Variants in COL11A1 observed in about 807,000 individuals in gnomAD.
COL11A1 encodes the protein collagen alpha-1(XI) chain.
Under a neutral mutation model 265.2 loss-of-function variants are expected in COL11A1, and 74 were observed. The observed-to-expected ratio is 0.28, with a 90% CI of 0.23 to 0.34. COL11A1 has a LOEUF of 0.34. Ranked by LOEUF, COL11A1 falls within the 10% of genes least tolerant of loss-of-function variation. The pLI is 1.00. For synonymous variants in COL11A1, 816 were observed against 727.6 expected (o/e 1.12, Z -1.96); for missense variants, 2,165 against 2,263.6 (o/e 0.96, Z 0.88).
rs572637910 is a variant in COL11A1 at position 102,979,443 on chromosome 1, A to G, written c.2557-8T>C. 98 of 1,577,524 alleles carry G rather than the reference A, an allele frequency of 6.2e-5. No individual in the cohort carries two copies. In the South Asian group the frequency reaches 1.0e-3, roughly 17 times the overall value. ...AGGGAATCCAGTGGAACCCTACAAT[A>G]ATAAAAGTAAATAATGAATAAACAT... On this transcript the variant is annotated splice_region_variant and splice_polypyrimidine_tract_variant and intron_variant, in intron 31 of 66. Transcript: ENST00000370096.
chr1:102,884,853 G>A (rs1241185), intron 63 of COL11A1, among the ~76,000 whole-genome samples: 104,007 of 152,086 alleles, frequency 0.68, 37,510 homozygotes, highest in Admixed American at 0.81. Flanking sequence ...TTTCTGTTCT[G>A]AAACTTTTTA....
In COL11A1 at chr1:103,023,029, A is replaced by T. The variant is rs1378934875; in HGVS notation, c.991-33T>A. 18 of 1,601,316 alleles carry T rather than the reference A, an allele frequency of 1.1e-5. No homozygotes were observed. Among genetic ancestry groups the T allele is most frequent in the Non-Finnish European group, 1.5e-5 (17 of 1,172,290 alleles). On this transcript the variant is annotated intron_variant, in intron 7 of 66. Transcript: ENST00000370096. ...TTTAAATTGCAAGGAATTGAGGAAC[A>T]TGAAGTTTATTGTTAGTAAAGCAAG...
intron 1 of COL11A1, among the ~76,000 whole-genome samples, chr1:103,093,236 C>T (rs1673467641): frequency 6.6e-6 from 1 of 151,882 alleles, no homozygotes; most frequent in Non-Finnish European, 1.5e-5. Flanking sequence ...GAATCTAAAG[C>T]TGAAGAATTT....
At chr1:102,909,426 G>A (rs1654383707) in intron 54 of COL11A1, among the ~76,000 whole-genome samples, 1 of 152,150 alleles carries the variant, frequency 6.6e-6, no homozygotes, top group South Asian at 2.1e-4. Flanking sequence ...CCAGCCTCAG[G>A]TATTCTTTTA....
At chr1:102,878,457 ATGT>A (rs1649785265) in intron 66 of COL11A1, among the ~76,000 whole-genome samples, 1 of 92,086 alleles carries the variant, frequency 1.1e-5, no homozygotes, top group Non-Finnish European at 2.3e-5. Context: ...ATGAAAATTG[ATGT>A]TGGTATTGAA....
At chr1:103,016,742 A>G (rs1666599079) in intron 11 of COL11A1, among the ~76,000 whole-genome samples, 1 of 152,006 alleles carries the variant, frequency 6.6e-6, no homozygotes, top group African/African-American at 2.4e-5. Context: ...TATTTAGAAT[A>G]TTATTTCAAT....
At chr1:103,030,809 A>C (rs1667922801) in intron 5 of COL11A1, 1 of 355,760 alleles carries the variant, frequency 2.8e-6, no homozygotes, top group Non-Finnish European at 5.4e-6. Context: ...TTTAAATGCT[A>C]ATGGTCGAAA....
intron 4 of COL11A1, among the ~76,000 whole-genome samples, chr1:103,043,698 A>G (rs1669019037): frequency 6.6e-6 from 1 of 152,116 alleles, no homozygotes. Context: ...CAAATATAAG[A>G]TATTTTATTC....
rs577735370 is a variant in COL11A1, at chr1:102,876,788, C to A, written c.*1231G>T. On this transcript the variant is annotated 3_prime_UTR_variant, in exon 67 of 67. Coordinates refer to ENST00000370096, the MANE Select transcript of COL11A1 (RefSeq NM_001854.4). ...ATTTCAAGCTACCTTAAAGTAAATA[C>A]CTTAGTGGAAAAAAAAGTTTAGATT... The A allele has an allele frequency of 2.0e-5, 3 of 152,082 alleles. No homozygotes were observed. Among genetic ancestry groups the A allele is most frequent in the East Asian group, 1.9e-4 (1 of 5,178 alleles). The allele number at this position is 152,082 out of a possible 1,614,324, so 9.4% of individuals were successfully genotyped here. A position where few individuals can be genotyped will look rare whatever the true frequency, so the allele number is the denominator to read the frequency against.
chr1:102,990,634 AT>A (rs1186128151), intron 28 of COL11A1, among the ~76,000 whole-genome samples: 11 of 152,172 alleles, frequency 7.2e-5, no homozygotes, highest in African/African-American at 1.9e-4. Flanking sequence ...AGAAAAAAAA[AT>A]TAAATTACTA....
In COL11A1 at chr1:102,881,719, C is replaced by T; in HGVS notation, c.5018G>A (p.Ser1673Asn). 6.2e-7 allele frequency: 1 copy of T among 1,612,558 alleles called. No individual in the cohort carries two copies. Among genetic ancestry groups the T allele is most frequent in the Non-Finnish European group, 8.5e-7 (1 of 1,179,088 alleles). ...WPKEKPGSWF[S>N]EFKRGKLLSY... is the part of the protein sequence containing the mutation. ...TACCAGTTTTCCCCTCTTAAATTCACTAAACCAACTTCCTGGTTTCTCCTT... is the reference window on the plus strand; with the variant it reads ...TACCAGTTTTCCCCTCTTAAATTCATTAAACCAACTTCCTGGTTTCTCCTT... Residue 1673 changes from serine to asparagine, a missense_variant, in exon 65 of 67, where the codon AGT becomes AAT. Transcript: ENST00000370096.
chr1:103,039,999 T>C (rs1250264904), intron 4 of COL11A1, among the ~76,000 whole-genome samples: 4 of 151,722 alleles, frequency 2.6e-5, no homozygotes, highest in Admixed American at 6.6e-5. Context: ...CTGAAGAAAA[T>C]AGAAAATAAG....
chr1:103,073,908 T>A (rs1205348684), intron 4 of COL11A1, among the ~76,000 whole-genome samples: 1 of 152,006 alleles, frequency 6.6e-6, no homozygotes, highest in African/African-American at 2.4e-5. Context: ...TTTACTTTGT[T>A]ACACCTTGAC....
chr1:102,913,663 C>A lies in COL11A1; in HGVS notation c.4006G>T (p.Gly1336Cys). 6.2e-7 allele frequency: 1 copy of A among 1,613,464 alleles called. No individual in the cohort carries two copies. Among genetic ancestry groups the A allele is most frequent in the South Asian group, 1.1e-5 (1 of 91,068 alleles). ...GGTTGACCAGGATCTCCATCTTCACCCTTGTCACCACCAACACCATCTTGA... is the reference window on the plus strand; with the variant it reads ...GGTTGACCAGGATCTCCATCTTCACACTTGTCACCACCAACACCATCTTGA... Reference protein sequence around the residue: ...AGQDGVGGDKGEDGDPGQPGP... With the variant: ...AGQDGVGGDKCEDGDPGQPGP... The change falls in exon 53 of 67, where the codon GGT (glycine) becomes TGT (cysteine). Residue 1336 changes from glycine to cysteine, a missense_variant. Transcript: ENST00000370096.
chr1:103,046,499 A>G, intron 4 of COL11A1, among the ~76,000 whole-genome samples: 1 of 151,298 alleles, frequency 6.6e-6, no homozygotes, highest in South Asian at 2.1e-4. Context: ...TAGATTCTGG[A>G]TATTAGCCCT....
intron 1 of COL11A1, among the ~76,000 whole-genome samples, chr1:103,102,625 T>G (rs1281542842): frequency 2.0e-5 from 3 of 151,920 alleles, no homozygotes; most frequent in African/African-American, 7.3e-5. Context: ...TCTCCAAAAG[T>G]AAGGAGAAAA....
chr1:102,883,206 G>T lies in COL11A1; in HGVS notation c.4964C>A (p.Ser1655Tyr). Residue 1655 changes from serine (S) to tyrosine (Y), a missense_variant, in exon 64 of 67, where the codon TCT becomes TAT. By Grantham distance (144) the Ser-to-Tyr change is moderately radical. Coordinates refer to ENST00000370096, the MANE Select transcript of COL11A1 (RefSeq NM_001854.4). ...GETCIYPDKK[S>Y]EGVRISSWPK... ...AAACAGATTGGTACTTACTCCCTCAGATTTTTTGTCTGGATAAATGCAAGT... is the reference window on the plus strand; with the variant it reads ...AAACAGATTGGTACTTACTCCCTCATATTTTTTGTCTGGATAAATGCAAGT... 1.9e-6 allele frequency: 3 copies of T among 1,608,724 alleles called. No individual in the cohort carries two copies. The highest frequency in any genetic ancestry group is 2.6e-6 in the Non-Finnish European group (3 of 1,175,324).
chr1:102,923,286 CTG>C, intron 47 of COL11A1, 48 bp downstream of exon 47: 1 of 1,418,978 alleles, frequency 7.0e-7, no homozygotes, highest in Non-Finnish European at 9.9e-7. Context: ...AAACCAGTGA[CTG>C]CCATGCATAT....
At chr1:102,893,453 T>C (rs902472500) in intron 57 of COL11A1, among the ~76,000 whole-genome samples, 1 of 152,110 alleles carries the variant, frequency 6.6e-6, no homozygotes, top group East Asian at 1.9e-4. Context: ...CGAGAGCAGT[T>C]ATAAATAACC....
Sources: allele counts gnomAD v4.1 joint callset (sites outside exome capture counted in the v4.1 genomes callset), GRCh38; gene constraint gnomAD v4.1.1; transcripts MANE v1.5; gene names NCBI Gene and HGNC (gene_info 2026-07-23, HGNC 2026-07-21).